Variants in ST7 observed in about 807,000 individuals in gnomAD.
The protein encoded by ST7 is suppressor of tumorigenicity 7 protein.
In ST7, 28 loss-of-function variants were observed where a neutral mutation model predicts 78.7. That is an observed-to-expected ratio of 0.36 (90% CI 0.26 to 0.49). The LOEUF (loss-of-function observed/expected upper bound fraction) is 0.49. Ranked by LOEUF, ST7 falls within the 20% of genes least tolerant of loss-of-function variation. ST7 has a pLI of 0.99. For synonymous variants in ST7, 247 were observed against 249.6 expected, an observed-to-expected ratio of 0.99 and a Z score of 0.10; for missense variants, 418 against 696.0, an observed-to-expected ratio of 0.60 and a Z score of 4.49.
intron 1 of ST7, among the ~76,000 whole-genome samples, chr7:117,033,307 T>A (rs749459471): frequency 6.6e-6 from 1 of 152,202 alleles, no homozygotes; most frequent in Admixed American, 6.5e-5. Flanking sequence ...GAAAAACTTA[T>A]TAAGTTTGGT....
chr7:117,087,347 A>G (rs1318183279), intron 1 of ST7, among the ~76,000 whole-genome samples: 1 of 152,188 alleles, frequency 6.6e-6, no homozygotes, highest in East Asian at 1.9e-4. Context: ...ATAAAACAGG[A>G]ATATACATAT....
chr7:117,089,468 T>G (rs1800414251), intron 1 of ST7, among the ~76,000 whole-genome samples: 2 of 151,718 alleles, frequency 1.3e-5, no homozygotes, highest in Admixed American at 6.6e-5. Flanking sequence ...AAAAATAACA[T>G]GAAGAAGACT....
intron 9 of ST7, among the ~76,000 whole-genome samples, chr7:117,143,048 C>T (rs1362421913): frequency 6.6e-6 from 1 of 152,070 alleles, no homozygotes; most frequent in Non-Finnish European, 1.5e-5. Flanking sequence ...CCTGAAGATC[C>T]ATCCCAGGGC....
At chr7:117,131,861 G>T (rs1232870925) in intron 5 of ST7, 24 bp from the exon 6 acceptor site, 1 of 1,599,680 alleles carries the variant, frequency 6.3e-7, no homozygotes, top group African/African-American at 1.3e-5. Flanking sequence ...GATTGACTTG[G>T]TGTTTTCTCT....
intron 3 of ST7, among the ~76,000 whole-genome samples, chr7:117,123,155 T>C (rs987156930): frequency 6.6e-6 from 1 of 152,102 alleles, no homozygotes; most frequent in African/African-American, 2.4e-5. Flanking sequence ...GGCAGTGTAA[T>C]GGTATTTTAT....
intron 1 of ST7, among the ~76,000 whole-genome samples, chr7:117,028,525 C>G (rs901707358): frequency 6.6e-6 from 1 of 152,064 alleles, no homozygotes; most frequent in East Asian, 1.9e-4. Context: ...TAGGGTCTGG[C>G]CTGGTGGTAC....
intron 12 of ST7, among the ~76,000 whole-genome samples, chr7:117,196,797 C>T (rs1029687992): frequency 7.9e-5 from 12 of 151,914 alleles, no homozygotes; most frequent in African/African-American, 2.2e-4. Context: ...TTCAGTTTGA[C>T]GTAGTCCCAC....
At chr7:117,014,902 G>A in intron 1 of ST7, 2 of 1,046,494 alleles carry the variant, frequency 1.9e-6, no homozygotes, top group Non-Finnish European at 2.5e-6. Context: ...CATGGCAGGA[G>A]GCTTCCCCAG....
chr7:117,023,279 A>C (rs900078744), intron 1 of ST7, among the ~76,000 whole-genome samples: 1 of 152,218 alleles, frequency 6.6e-6, no homozygotes, highest in African/African-American at 2.4e-5. Flanking sequence ...AAAGCCTTTA[A>C]AATACCAAAA....
chr7:117,224,695 C>T (rs762983814), intron 15 of ST7, among the ~76,000 whole-genome samples: 10 of 152,058 alleles, frequency 6.6e-5, no homozygotes, highest in African/African-American at 9.7e-5. Context: ...TTCACCTGGC[C>T]GCACCACCAG....
chr7:117,148,927 T>G (rs1434725321), intron 9 of ST7, among the ~76,000 whole-genome samples: 1 of 152,032 alleles, frequency 6.6e-6, no homozygotes, highest in Non-Finnish European at 1.5e-5. Flanking sequence ...AGGTGATCAC[T>G]GGAAACAGAC....
At chr7:116,960,692 G>A (rs1792781924) in intron 1 of ST7, among the ~76,000 whole-genome samples, 1 of 152,106 alleles carries the variant, frequency 6.6e-6, no homozygotes, top group South Asian at 2.1e-4. Context: ...TTGTACATTT[G>A]TTTAAGTTCC....
rs909421943 is a variant in ST7, at chr7:117,190,965, C to T, written c.1254+29C>T. The T allele has an allele frequency of 2.6e-6, 4 of 1,546,056 alleles. No individual in the cohort carries two copies. Among genetic ancestry groups the T allele is most frequent in the East Asian group, 2.2e-5 (1 of 44,532 alleles). On this transcript the variant is annotated intron_variant, in intron 12 of 15. Transcript: ENST00000323984. This position sits in a 1 kb window ranked among gnomAD's most constrained non-coding sequence, Gnocchi z 5.2. ...AGTCTGTGGAATCCCCACAGGAACT[C>T]GTTATGATAGCAGAGAAAGCATTCA...
At chr7:117,135,163 T>TA (rs780761767) in intron 7 of ST7, among the ~76,000 whole-genome samples, 7 of 152,186 alleles carry the variant, frequency 4.6e-5, no homozygotes, top group Non-Finnish European at 7.4e-5. Flanking sequence ...ACCACTTCCC[T>TA]ATTACATTCC....
chr7:117,031,372 A>ATG (rs756453484), intron 1 of ST7, among the ~76,000 whole-genome samples: 909 of 78,302 alleles, frequency 0.012, 390 homozygotes, highest in East Asian at 0.065. Context: ...GTGTGTGTAT[A>ATG]TGTGTGTATA....
intron 12 of ST7, among the ~76,000 whole-genome samples, chr7:117,205,974 C>T (rs1398902595): frequency 2.0e-5 from 3 of 152,172 alleles, no homozygotes; most frequent in African/African-American, 7.2e-5. Flanking sequence ...TGCCCTGTTC[C>T]ATTTATTTTT....
chr7:117,122,856 A>G (rs1803513943), intron 3 of ST7, among the ~76,000 whole-genome samples: 1 of 152,206 alleles, frequency 6.6e-6, no homozygotes, highest in South Asian at 2.1e-4. Context: ...AAAATACTAA[A>G]AGGGTACATT....
chr7:117,137,911 C>G (rs1804927233), intron 8 of ST7, among the ~76,000 whole-genome samples: 1 of 152,062 alleles, frequency 6.6e-6, no homozygotes, highest in Non-Finnish European at 1.5e-5. Context: ...TTGTTGCATA[C>G]TCTATTGTCA....
intron 2 of ST7, among the ~76,000 whole-genome samples, chr7:117,109,946 T>C (rs191578575): frequency 3.9e-5 from 6 of 152,278 alleles, no homozygotes; most frequent in Non-Finnish European, 7.4e-5. Context: ...GAAAATCACA[T>C]GATCATTTCA....
Sources: allele counts gnomAD v4.1 joint callset (sites outside exome capture counted in the v4.1 genomes callset), GRCh38; gene constraint gnomAD v4.1.1; non-coding constraint Gnocchi (gnomAD v3.1); transcripts MANE v1.5; gene names NCBI Gene and HGNC (gene_info 2026-07-23, HGNC 2026-07-21).